UBN2: variants seen among roughly 807,000 people sequenced by gnomAD.
UBN2 encodes ubinuclein 2, also known as ubinuclein-2.
A neutral mutation model predicts 120.2 loss-of-function variants in UBN2; 35 were observed. The ratio of observed to expected loss-of-function variants is 0.29; its 90% confidence interval spans 0.22 to 0.39. UBN2 has a LOEUF of 0.39. Among genes scored for constraint, UBN2 ranks in the 10% least tolerant of loss-of-function variants. UBN2 has a pLI of 1.00. For synonymous variants in UBN2, 661 were observed against 648.7 expected (o/e 1.02, Z -0.29); for missense variants, 1,693 against 1,663.2 (o/e 1.02, Z -0.31).
chr7:139,243,894 C>CA (rs1796389743), intron 2 of UBN2, among the ~76,000 whole-genome samples: 1 of 152,036 alleles, frequency 6.6e-6, no homozygotes, highest in South Asian at 2.1e-4. Context: ...ACACGTTTTC[C>CA]AAAACTCTTT....
chr7:139,266,911 A>T (rs1167608333), intron 7 of UBN2, among the ~76,000 whole-genome samples: 6 of 152,206 alleles, frequency 3.9e-5, no homozygotes, highest in African/African-American at 1.4e-4. Context: ...AGGAGATAGC[A>T]GTTAGATTGA....
In UBN2 at chr7:139,284,353, A is replaced by G. The variant is rs373253859; in HGVS notation, c.3448A>G (p.Thr1150Ala). 6.0e-5 allele frequency: 97 copies of G among 1,614,074 alleles called. No homozygotes were observed. Among genetic ancestry groups the G allele is most frequent in the Non-Finnish European group, 8.0e-5 (94 of 1,180,044 alleles). Residue 1150 changes from threonine to alanine, a missense_variant, in exon 15 of 18, where the codon ACA becomes GCA. Physicochemically the swap from Thr to Ala is moderately conservative, Grantham distance 58 (BLOSUM62 0). Transcript: ENST00000473989. The part of the protein sequence containing the change: ...TKNLQAPSKL[T>A]NSSSTGTVGK... ...AAATCTTCAGGCCCCCTCAAAGCTA[A>G]CAAACTCATCATCCACTGGAACTGT...
chr7:139,264,206 G>A (rs1049498366), intron 6 of UBN2, among the ~76,000 whole-genome samples: 18 of 152,042 alleles, frequency 1.2e-4, no homozygotes, highest in African/African-American at 1.4e-4. Context: ...TATCAATTCC[G>A]TATTACTTTA....
intron 6 of UBN2, among the ~76,000 whole-genome samples, chr7:139,264,804 G>A (rs1797048285): frequency 6.6e-6 from 1 of 152,144 alleles, no homozygotes; most frequent in Non-Finnish European, 1.5e-5. Flanking sequence ...TCGTTAGGAT[G>A]TCTTGGTCTC....
chr7:139,314,454 A>G, the UBN2 span, among the ~76,000 whole-genome samples: 1 of 151,726 alleles, frequency 6.6e-6, no homozygotes, highest in Non-Finnish European at 1.5e-5. Context: ...GAGAAACTCC[A>G]TCTCAAAAAA....
At chr7:139,279,105 A>T (rs1563220457) in intron 12 of UBN2, among the ~76,000 whole-genome samples, 1 of 152,032 alleles carries the variant, frequency 6.6e-6, no homozygotes, top group Non-Finnish European at 1.5e-5. Flanking sequence ...TCTACATTTC[A>T]TGTTTTACTA....
At chr7:139,290,807 C>T (rs1797933011) in intron 15 of UBN2, among the ~76,000 whole-genome samples, 1 of 152,102 alleles carries the variant, frequency 6.6e-6, no homozygotes, top group Non-Finnish European at 1.5e-5. Flanking sequence ...GGATATTCTT[C>T]ATTTGTTTGT....
At position 139,231,588 on chromosome 7, in the gene UBN2, C is replaced by A. The variant is rs776005117; in HGVS notation, c.104C>A (p.Pro35His). The A allele has an allele frequency of 7.9e-6, 11 of 1,394,148 alleles. No homozygotes were observed. Among genetic ancestry groups the A allele is most frequent in the Middle Eastern group, 2.1e-4 (1 of 4,758 alleles). The allele number at this position is 1,394,148 out of a possible 1,614,324, so 86.4% of individuals were successfully genotyped here. ...PEREPEYPRE[P>H]PRLEPQPYRE... Reference sequence around the variant, plus strand: ...CGTGAGCCCGAGTACCCCCGCGAGCCCCCCCGGCTGGAGCCGCAGCCGTAC... The same window carrying A: ...CGTGAGCCCGAGTACCCCCGCGAGCACCCCCGGCTGGAGCCGCAGCCGTAC... The change falls in exon 1 of 18, where the codon CCC becomes CAC. Residue 35 changes from proline (P) to histidine (H), a missense_variant. By Grantham distance (77) the Pro-to-His change is moderately conservative. Transcript: ENST00000473989.
chr7:139,263,054 C>G (rs1049290409), intron 6 of UBN2, among the ~76,000 whole-genome samples: 1 of 152,118 alleles, frequency 6.6e-6, no homozygotes, highest in Non-Finnish European at 1.5e-5. Flanking sequence ...TGGTGATGAG[C>G]ATGAAGTCAG....
chr7:139,320,920 G>A, the UBN2 span, among the ~76,000 whole-genome samples: 4 of 151,850 alleles, frequency 2.6e-5, no homozygotes, highest in African/African-American at 4.8e-5. Flanking sequence ...ATATAAGGAC[G>A]AAATATATAA....
Position 139,231,643 on chromosome 7 carries a change from C to T in UBN2, c.159C>T (p.Ala53=), listed in dbSNP as rs1487615167. The T allele has an allele frequency of 1.1e-5, 14 of 1,218,986 alleles. No individual in the cohort carries two copies. The highest frequency in any genetic ancestry group is 7.6e-5 in the South Asian group (2 of 26,478). 75.5% of individuals were successfully genotyped at this position (1,218,986 alleles called of 1,614,324 possible). A position where few individuals can be genotyped will look rare whatever the true frequency, so the allele number is the denominator to read the frequency against. Residue 53 remains alanine, a synonymous_variant, in exon 1 of 18, where the codon GCC becomes GCT. Transcript: ENST00000473989. ...AGCCGGCCCGGGCGGAGCCGCCGGC[C>T]CCGCGGGAGCCTGCCCCCCGCTCGG... ...YREPARAEPP[A]PREPAPRSDA... is the part of the protein sequence containing the mutation.
intron 15 of UBN2, among the ~76,000 whole-genome samples, chr7:139,288,274 G>A (rs2131051028): frequency 6.6e-6 from 1 of 152,280 alleles, no homozygotes; most frequent in South Asian, 2.1e-4. Flanking sequence ...AAAAATTGTA[G>A]GATAATATGA....
At chr7:139,234,333 C>T (rs1217367026) in intron 1 of UBN2, among the ~76,000 whole-genome samples, 1 of 152,008 alleles carries the variant, frequency 6.6e-6, no homozygotes, top group Non-Finnish European at 1.5e-5. Flanking sequence ...CATATGGATA[C>T]CATTCATGTG....
At position 139,273,171 on chromosome 7, in the gene UBN2, A is replaced by G. The variant is rs1797339280; in HGVS notation, c.1716-126A>G. On this transcript the variant is annotated intron_variant, in intron 9 of 17. Coordinates refer to ENST00000473989, the MANE Select transcript of UBN2 (RefSeq NM_173569.4). The stretch of plus-strand genomic sequence containing the variant: ...TTCAAATTTGAAGTATTATGTGGAA[A>G]GGTAGATTCCGTCTTTACCCTCTCT... 5.9e-6 allele frequency: 3 copies of G among 512,770 alleles called. No homozygotes were observed. The Admixed American group carries it at 1.1e-4, about 19-fold the overall frequency. 31.8% of individuals were successfully genotyped at this position (512,770 alleles called of 1,614,324 possible). A position where few individuals can be genotyped will look rare whatever the true frequency, so the allele number is the denominator to read the frequency against.
At chr7:139,316,752 T>TA in the UBN2 span, among the ~76,000 whole-genome samples, 1 of 151,562 alleles carries the variant, frequency 6.6e-6, no homozygotes, top group Non-Finnish European at 1.5e-5. Flanking sequence ...TCTCAAAAAA[T>TA]AAAAAATTAT....
rs1203763306 is a variant in UBN2 at position 139,283,626 on chromosome 7, C to T, written c.2721C>T (p.Ala907=). 5.6e-6 allele frequency: 9 copies of T among 1,614,224 alleles called. No homozygotes were observed. Among genetic ancestry groups the T allele is most frequent in the Non-Finnish European group, 7.6e-6 (9 of 1,180,040 alleles). The change falls in exon 15 of 18, where the codon GCC becomes GCT. Residue 907 remains alanine (A), a synonymous_variant. Transcript: ENST00000473989. ...CTTCTTCCCAAGCCCAAATTGCTGC[C>T]TCTTCTCATGCTCTGGGAACATCCG... is the stretch of plus-strand genomic sequence containing the variant. The part of the protein sequence containing the change: ...VSSSSQAQIA[A]SSHALGTSEA...
At chr7:139,309,441 A>G (rs772784593), downstream of UBN2, among the ~76,000 whole-genome samples, 1 of 152,196 alleles carries the variant, frequency 6.6e-6, no homozygotes, top group Non-Finnish European at 1.5e-5. Context: ...ACTCCTCAAG[A>G]TGATTTTTGC....
chr7:139,231,443 G>T lies in UBN2; in HGVS notation c.-42G>T. On this transcript the variant is annotated 5_prime_UTR_variant, in exon 1 of 18. Coordinates refer to ENST00000473989, the MANE Select transcript of UBN2 (RefSeq NM_173569.4). ...CAGGCACGCAGCGCGCCGTAGAAGCGAGCGCCGGCTCGAGCAAAAGCGGAG... is the reference window on the plus strand; with the variant it reads ...CAGGCACGCAGCGCGCCGTAGAAGCTAGCGCCGGCTCGAGCAAAAGCGGAG... 1.6e-6 allele frequency: 2 copies of T among 1,284,652 alleles called. No homozygotes were observed. The highest frequency in any genetic ancestry group is 2.4e-5 in the South Asian group (1 of 42,334). The allele number at this position is 1,284,652 out of a possible 1,614,324, so 79.6% of individuals were successfully genotyped here. A position where few individuals can be genotyped will look rare whatever the true frequency, so the allele number is the denominator to read the frequency against.
At chr7:139,274,491 A>C (rs538809038) in intron 11 of UBN2, among the ~76,000 whole-genome samples, 1 of 152,192 alleles carries the variant, frequency 6.6e-6, no homozygotes, top group Non-Finnish European at 1.5e-5. Flanking sequence ...GGCCAGGCAC[A>C]GTGGCTTATG....
Sources: gnomAD v4.1 joint callset for allele counts (sites outside exome capture counted in the v4.1 genomes callset) on GRCh38, gnomAD v4.1.1 for gene constraint, MANE v1.5 for transcripts, NCBI Gene and HGNC (gene_info 2026-07-23, HGNC 2026-07-21) for gene names.